Variants in UBXN11 observed in about 807,000 individuals in gnomAD.
The protein encoded by UBXN11 is UBX domain protein 11, also known as UBX domain-containing protein 11.
A neutral mutation model predicts 62.8 loss-of-function variants in UBXN11; 47 were observed. The observed-to-expected ratio is 0.75, with a 90% CI of 0.59 to 0.95. UBXN11 has a LOEUF of 0.95. Ranked by LOEUF, UBXN11 falls within the 40% of genes least tolerant of loss-of-function variation. The pLI, the probability that UBXN11 is intolerant of heterozygous loss-of-function variation, is 0.00. For missense variants in UBXN11, 638 were observed against 661.7 expected, an observed-to-expected ratio of 0.96 and a Z score of 0.39; for synonymous variants, 294 against 267.0, an observed-to-expected ratio of 1.10 and a Z score of -0.99.
rs752681205 is a variant in UBXN11, at chr1:26,285,878, T to C, written c.719A>G (p.Asn240Ser). Residue 240 changes from asparagine (N) to serine (S), a missense_variant, in exon 9 of 15, where the codon AAT (asparagine) becomes AGT (serine). Coordinates refer to ENST00000374222, the MANE Select transcript of UBXN11 (RefSeq NM_001389556.1). ...LEPIPLKLYR[N>S]GIMMFDGPFQ... is the part of the protein sequence containing the mutation. The stretch of plus-strand genomic sequence containing the variant: ...GGGCCCGTCGAACATCATGATGCCA[T>C]TCCGGTAGAGCTTCAGCGGGATGGG... 2 of 1,612,906 alleles carry C rather than the reference T, an allele frequency of 1.2e-6. No homozygotes were observed. The highest frequency in any genetic ancestry group is 1.1e-5 in the South Asian group (1 of 91,020).
intron 1 of UBXN11, among the ~76,000 whole-genome samples, chr1:26,306,072 G>A (rs1413401866): frequency 6.6e-6 from 1 of 152,224 alleles, no homozygotes; most frequent in Non-Finnish European, 1.5e-5. Flanking sequence ...CCTGAGGGCA[G>A]GGGCATATCT....
chr1:26,305,025 A>G (rs2073630560), intron 1 of UBXN11, among the ~76,000 whole-genome samples: 1 of 151,968 alleles, frequency 6.6e-6, no homozygotes, highest in East Asian at 1.9e-4. Context: ...TTTGAAAATT[A>G]TTATAGATTC....
At chr1:26,300,723 GCTGGGC>G (rs1241664321) in intron 4 of UBXN11, among the ~76,000 whole-genome samples, 197 bp downstream of exon 4, 3 of 152,172 alleles carry the variant, frequency 2.0e-5, no homozygotes, top group Admixed American at 2.0e-4. Context: ...TGGGGCTGGG[GCTGGGC>G]CTCGGCCTCC....
chr1:26,298,037 C>G lies in UBXN11; in HGVS notation c.225G>C (p.Leu75=). ...RQVPASHDSE[L]MAFMTRKLWD... ...ACAACTTCCTCGTCATGAAGGCCATCAGCTCCGAGTCATGGGATGCAGGGA... is the reference window on the plus strand; with the variant it reads ...ACAACTTCCTCGTCATGAAGGCCATGAGCTCCGAGTCATGGGATGCAGGGA... Residue 75 remains leucine (L), a synonymous_variant, in exon 5 of 15, where the codon CTG becomes CTC. Transcript: ENST00000374222. The G allele has an allele frequency of 1.2e-6, 2 of 1,613,818 alleles. No homozygotes were observed. Among genetic ancestry groups the G allele is most frequent in the Non-Finnish European group, 1.7e-6 (2 of 1,179,942 alleles).
At chr1:26,287,289 G>T (rs2124638217) in intron 8 of UBXN11, among the ~76,000 whole-genome samples, 1 of 73,664 alleles carries the variant, frequency 1.4e-5, no homozygotes, top group Middle Eastern at 6.2e-3. Flanking sequence ...AGCTGACAAA[G>T]CTCTGGCCTC....
At chr1:26,314,212 C>T (rs1010094791) in intron 1 of UBXN11, among the ~76,000 whole-genome samples, 4 of 152,094 alleles carry the variant, frequency 2.6e-5, no homozygotes, top group African/African-American at 9.7e-5. Context: ...TTTTGTATAA[C>T]TTTCTATTAT....
At chr1:26,286,577 T>C (rs1475924622) in intron 8 of UBXN11, among the ~76,000 whole-genome samples, 1 of 138,352 alleles carries the variant, frequency 7.2e-6, no homozygotes, top group East Asian at 2.0e-4. Context: ...GCTGTAAGGC[T>C]CCAAGAAGTA....
At chr1:26,306,705 C>T (rs1402624357), upstream of UBXN11, 1 of 152,104 alleles carries the variant, frequency 6.6e-6, no homozygotes, top group African/African-American at 2.4e-5. Flanking sequence ...CCTGAGCAAC[C>T]TGCAGACAGC....
At chr1:26,317,900 C>T in intron 1 of UBXN11, 13 of 854,114 alleles carry the variant, frequency 1.5e-5, no homozygotes, top group Middle Eastern at 2.2e-4. Context: ...CCTCTCCCTA[C>T]CTCACCCCGC....
At chr1:26,306,834 GGGGGGGGT>G (rs2073681697), upstream of UBXN11, 2 of 40,110 alleles carry the variant, frequency 5.0e-5, no homozygotes, top group African/African-American at 1.3e-4. Flanking sequence ...CGGGGTGGGG[GGGGGGGGT>G]GGTTCGTTCC....
Position 26,284,244 on chromosome 1 carries a change from G to A in UBXN11, c.975C>T (p.Gly325=), listed in dbSNP as rs2124632303. 6.2e-7 allele frequency: 1 copy of A among 1,611,504 alleles called. No individual in the cohort carries two copies. The highest frequency in any genetic ancestry group is 8.5e-7 in the Non-Finnish European group (1 of 1,178,628). ...GAAATTTCTCAGCAGTCATCCTGGA[G>A]CCTACAGGCAGAGTTGGGAACCGGG... is the stretch of plus-strand genomic sequence containing the variant. ...KALDRVEEHP[G]SRMTAEKFLN... Residue 325 remains glycine (G), a splice_region_variant and synonymous_variant, in exon 12 of 15, where the codon GGC becomes GGT. Transcript: ENST00000374222.
intron 1 of UBXN11, among the ~76,000 whole-genome samples, chr1:26,314,270 G>A (rs1279023116): frequency 2.6e-5 from 4 of 152,010 alleles, no homozygotes; most frequent in African/African-American, 7.2e-5. Context: ...TTGAGGGTTG[G>A]GCTGTTGTTT....
Position 26,296,949 on chromosome 1 carries a change from C to T in UBXN11, c.402G>A (p.Val134=). The T allele has an allele frequency of 6.2e-7, 1 of 1,608,444 alleles. No individual in the cohort carries two copies. The highest frequency in any genetic ancestry group is 8.5e-7 in the Non-Finnish European group (1 of 1,177,468). Residue 134 remains valine, a synonymous_variant, in exon 7 of 15, where the codon GTG becomes GTA. Coordinates refer to ENST00000374222, the MANE Select transcript of UBXN11 (RefSeq NM_001389556.1). ...QRQEELETMC[V]QLQRQVREME... ...TCTCCCTGACCTGCCGCTGCAGCTG[C>T]ACACACATCGTCTCCAGTTCCTCCT...
chr1:26,285,702 G>T (rs2073114974), intron 9 of UBXN11, 121 bp downstream of exon 9: 4 of 1,403,858 alleles, frequency 2.8e-6, no homozygotes, highest in East Asian at 5.0e-5. Context: ...TGCAAGTCGT[G>T]TGTGGGCCTG....
At chr1:26,310,525 C>A, upstream of UBXN11, among the ~76,000 whole-genome samples, 1 of 129,712 alleles carries the variant, frequency 7.7e-6, no homozygotes, top group African/African-American at 3.0e-5. Context: ...GCAACAAGAG[C>A]AAGACTCCAT....
rs374449365 is a variant in UBXN11, at chr1:26,296,977, C to T, written c.374G>A (p.Arg125Gln). 1.4e-5 allele frequency: 23 copies of T among 1,604,824 alleles called. No homozygotes were observed. Among genetic ancestry groups the T allele is most frequent in the African/African-American group, 4.0e-5 (3 of 74,830 alleles). The change falls in exon 7 of 15, where the codon CGG becomes CAG. Residue 125 changes from arginine to glutamine, a missense_variant. Arg to Gln is a conservative substitution (Grantham distance 43, BLOSUM62 1). Transcript: ENST00000374222. Reference protein sequence around the residue: ...RPHPAEATLQRQEELETMCVQ... With the variant: ...RPHPAEATLQQQEELETMCVQ... ...ACACATCGTCTCCAGTTCCTCCTGC[C>T]GCTGCAGGGTTGCCTCGGCTTCAGG...
chr1:26,293,589 G>A (rs1344868345), intron 8 of UBXN11, among the ~76,000 whole-genome samples: 4 of 151,980 alleles, frequency 2.6e-5, no homozygotes, highest in South Asian at 4.2e-4. Flanking sequence ...AGCTGGGTGT[G>A]TTGGCACACA....
intron 7 of UBXN11, among the ~76,000 whole-genome samples, chr1:26,295,187 T>C (rs2124654071): frequency 6.6e-6 from 1 of 151,976 alleles, no homozygotes; most frequent in South Asian, 2.1e-4. Context: ...TCTCCAGAAA[T>C]GGCACCCCCT....
rs1372446931 is a variant in UBXN11, at chr1:26,282,774, G to GGGTGACTCCT, written c.1157_1166dup (p.Asn390GlyfsTer18). On this transcript the variant is annotated frameshift_variant, in exon 14 of 15. Coordinates refer to ENST00000374222, the MANE Select transcript of UBXN11 (RefSeq NM_001389556.1). LOFTEE classifies it high-confidence loss of function. The stretch of plus-strand genomic sequence containing the variant: ...TGGAGAGCGGGGGTGCCGGCGTGTT[G>GGGTGACTCCT]GGTGACTCCTGGCTCCTGCACAGCC... The GGGTGACTCCT allele has an allele frequency of 1.2e-6, 2 of 1,614,024 alleles. No individual in the cohort carries two copies.
Sources: allele counts gnomAD v4.1 joint callset (sites outside exome capture counted in the v4.1 genomes callset), GRCh38; gene constraint gnomAD v4.1.1; transcripts MANE v1.5; gene names NCBI Gene and HGNC (gene_info 2026-07-23, HGNC 2026-07-21).